The following CHPT1 variants were observed in gnomAD, a reference collection of about 807,000 sequenced individuals.
The protein encoded by CHPT1 is cholinephosphotransferase 1.
A neutral mutation model predicts 47.6 loss-of-function variants in CHPT1; 36 were observed. That is an observed-to-expected ratio of 0.76 (90% CI 0.58 to 1.00). The LOEUF is 1.00. Among genes scored for constraint, CHPT1 ranks in the 50% least tolerant of loss-of-function variants. The pLI is 0.00. For synonymous variants in CHPT1, 194 were observed against 186.3 expected (o/e 1.04, Z -0.33); for missense variants, 458 against 498.1 (o/e 0.92, Z 0.77).
chr12:101,726,637 A>G (rs749177622), intron 8 of CHPT1: 14 of 518,320 alleles, frequency 2.7e-5, no homozygotes, highest in Non-Finnish European at 4.4e-5. Context: ...CTACATATTA[A>G]TTAGAAACAA....
chr12:101,706,930 A>C (rs1399897934), intron 1 of CHPT1, among the ~76,000 whole-genome samples: 8 of 152,260 alleles, frequency 5.3e-5, no homozygotes. Flanking sequence ...ATTGTTATAA[A>C]GTCATGAACA....
At chr12:101,703,645 A>G (rs1951587045) in intron 1 of CHPT1, among the ~76,000 whole-genome samples, 1 of 152,178 alleles carries the variant, frequency 6.6e-6, no homozygotes, top group Non-Finnish European at 1.5e-5. Context: ...CTGACCACCA[A>G]GGCTCCTCTG....
At position 101,713,737 on chromosome 12, in the gene CHPT1, G is replaced by A. The variant is rs563194063; in HGVS notation, c.274-353G>A. On this transcript the variant is annotated intron_variant, in intron 1 of 8. Transcript: ENST00000229266. ...GAATGGAAGCAGAGGTTGGCAGTTG[G>A]CCCCTAAGGTCTTTTTTCACAGCAA... 2.0e-5 allele frequency among the ~76,000 whole-genome samples: 3 copies of A among 152,194 alleles called. No individual in the cohort carries two copies. The South Asian group carries it at 6.2e-4, about 32-fold the overall frequency.
At chr12:101,709,331 T>C (rs1229089812) in intron 1 of CHPT1, among the ~76,000 whole-genome samples, 1 of 138,188 alleles carries the variant, frequency 7.2e-6, no homozygotes, top group East Asian at 2.1e-4. Context: ...CCCAGGAGTC[T>C]GAGGTTACAA....
intron 1 of CHPT1, among the ~76,000 whole-genome samples, chr12:101,699,957 G>C (rs1240963304): frequency 6.6e-6 from 1 of 152,180 alleles, no homozygotes; most frequent in Admixed American, 6.5e-5. Flanking sequence ...ACTTGACAAG[G>C]ATGCAGTGAG....
intron 1 of CHPT1, among the ~76,000 whole-genome samples, chr12:101,700,680 A>G (rs1951542450): frequency 6.6e-6 from 1 of 151,838 alleles, no homozygotes; most frequent in African/African-American, 2.4e-5. Context: ...CAAATATGTA[A>G]AGTGCTTTCA....
intron 5 of CHPT1, 52 bp from the exon 6 acceptor site, chr12:101,723,116 G>C: frequency 6.7e-7 from 1 of 1,501,046 alleles, no homozygotes. Context: ...TGTCTACATT[G>C]TAATAAATGC....
At chr12:101,714,781 A>G in intron 3 of CHPT1, 136 bp downstream of exon 3, 1 of 762,718 alleles carries the variant, frequency 1.3e-6, no homozygotes, top group Non-Finnish European at 2.0e-6. Flanking sequence ...GTACTCATAA[A>G]TGCTACACCT....
intron 6 of CHPT1, 134 bp from the exon 7 acceptor site, chr12:101,723,588 T>C (rs1012925370): frequency 1.4e-5 from 9 of 645,166 alleles, no homozygotes; most frequent in African/African-American, 1.9e-5. Context: ...TTTGAGAAGG[T>C]GTAGAAAAGT....
intron 1 of CHPT1, among the ~76,000 whole-genome samples, chr12:101,707,252 A>C (rs1196356886): frequency 6.6e-6 from 1 of 152,230 alleles, no homozygotes; most frequent in Non-Finnish European, 1.5e-5. Context: ...AAAAGCCATG[A>C]GACAGTATTA....
chr12:101,727,057 T>C (rs1283743918), intron 8 of CHPT1: 1 of 152,212 alleles, frequency 6.6e-6, no homozygotes, highest in East Asian at 1.9e-4. Context: ...ATCTTTATAC[T>C]GAAGGTAACT....
At position 101,720,117 on chromosome 12, in the gene CHPT1, C is replaced by CT; in HGVS notation, c.649-5dup. 1 of 1,579,144 alleles carries CT rather than the reference C, an allele frequency of 6.3e-7. No individual in the cohort carries two copies. Among genetic ancestry groups the CT allele is most frequent in the Non-Finnish European group, 8.6e-7 (1 of 1,164,948 alleles). ...TCTTAATTGTTTCTTTCTTCTACCC[C>CT]TAAAGATTCCTATTCTAGAAATAAA... On this transcript the variant is annotated splice_region_variant and splice_polypyrimidine_tract_variant and intron_variant, in intron 4 of 8. Coordinates refer to ENST00000229266, the MANE Select transcript of CHPT1 (RefSeq NM_020244.3).
intron 5 of CHPT1, 116 bp downstream of exon 5, chr12:101,720,370 T>C: frequency 1.1e-6 from 1 of 883,138 alleles, no homozygotes; most frequent in Non-Finnish European, 1.8e-6. Context: ...CTAAGTATCT[T>C]AAAGAATTCA....
intron 1 of CHPT1, among the ~76,000 whole-genome samples, chr12:101,702,293 T>C (rs1212399893): frequency 6.6e-6 from 1 of 152,214 alleles, no homozygotes; most frequent in Non-Finnish European, 1.5e-5. Flanking sequence ...GTCTTCGTGA[T>C]CTGTGCATAT....
chr12:101,726,414 C>A lies in CHPT1; in HGVS notation c.1176+10C>A, dbSNP rs777581547. ...TCAAGCACCTGAACAGGTTCACAAG[C>A]ATATTGACTGACTAATAGCCCAAGG... On this transcript the variant is annotated intron_variant, in intron 8 of 8. Coordinates refer to ENST00000229266, the MANE Select transcript of CHPT1 (RefSeq NM_020244.3). The A allele has an allele frequency of 1.8e-5, 29 of 1,610,190 alleles. No homozygotes were observed. In the Admixed American group the frequency reaches 4.7e-4, roughly 26 times the overall value.
At chr12:101,714,804 G>A in intron 3 of CHPT1, 159 bp downstream of exon 3, 1 of 568,950 alleles carries the variant, frequency 1.8e-6, no homozygotes, top group Non-Finnish European at 2.8e-6. Flanking sequence ...AGTCTTTTAG[G>A]TACTCTGCAT....
At position 101,698,152 on chromosome 12, in the gene CHPT1, C is replaced by T; in HGVS notation, c.273+18C>T. On this transcript the variant is annotated intron_variant, in intron 1 of 8. Coordinates refer to ENST00000229266, the MANE Select transcript of CHPT1 (RefSeq NM_020244.3). ...CCGAAGAGGTAGGGCTGGCCGATCG[C>T]CCGAGCCGGGCCCCAGATGCGCTGC... 1 of 1,443,398 alleles carries T rather than the reference C, an allele frequency of 6.9e-7. No homozygotes were observed. 89.4% of individuals were successfully genotyped at this position (1,443,398 alleles called of 1,614,324 possible). A position where few individuals can be genotyped will look rare whatever the true frequency, so the allele number is the denominator to read the frequency against.
At chr12:101,714,362 G>A (rs1355921558) in intron 2 of CHPT1, 125 bp downstream of exon 2, 1 of 1,187,088 alleles carries the variant, frequency 8.4e-7, no homozygotes, top group Non-Finnish European at 1.2e-6. Context: ...TAAAAAGTAT[G>A]TCAAGAATTC....
At position 101,697,866 on chromosome 12, in the gene CHPT1, C is replaced by A; in HGVS notation, c.5C>A (p.Ala2Glu). 1 of 1,173,318 alleles carries A rather than the reference C, an allele frequency of 8.5e-7. No homozygotes were observed. The highest frequency in any genetic ancestry group is 1.1e-6 in the Non-Finnish European group (1 of 950,150). The allele number at this position is 1,173,318 out of a possible 1,614,324, so 72.7% of individuals were successfully genotyped here. A position where few individuals can be genotyped will look rare whatever the true frequency, so the allele number is the denominator to read the frequency against. M[A>E]AGAGAGSAPR... ...CGGCGGGGCCCTCAGGCGGCCATGG[C>A]GGCAGGCGCCGGGGCCGGGTCCGCG... Residue 2 changes from alanine to glutamate, a missense_variant, in exon 1 of 9, where the codon GCG becomes GAG. By Grantham distance (107) the Ala-to-Glu change is moderately radical. Coordinates refer to ENST00000229266, the MANE Select transcript of CHPT1 (RefSeq NM_020244.3).
Sources: gnomAD v4.1 joint callset for allele counts (sites outside exome capture counted in the v4.1 genomes callset) on GRCh38, gnomAD v4.1.1 for gene constraint, MANE v1.5 for transcripts, NCBI Gene and HGNC (gene_info 2026-07-23, HGNC 2026-07-21) for gene names.